Variants in GABPA observed in about 807,000 individuals in gnomAD.
GABPA encodes the protein GA-binding protein alpha chain.
GABPA carries 4 observed loss-of-function variants against 59.4 expected under a neutral mutation model. The observed-to-expected ratio is 0.07, with a 90% CI of 0.03 to 0.15. The LOEUF (loss-of-function observed/expected upper bound fraction) is 0.15, where lower values mean the gene tolerates loss of function less well. GABPA is among the 10% of genes least tolerant of loss of function. The pLI, the probability that GABPA is intolerant of heterozygous loss-of-function variation, is 1.00. For synonymous variants in GABPA, 164 were observed against 183.1 expected, an observed-to-expected ratio of 0.90 and a Z score of 0.84; for missense variants, 251 against 543.8, an observed-to-expected ratio of 0.46 and a Z score of 5.36.
Position 25,741,022 on chromosome 21 carries a change from A to C in GABPA, c.-26-551A>C, listed in dbSNP as rs547814306. Reference sequence around the variant, plus strand: ...ATTTTGAGGTAACTTGTTGATTGCAATTGGTCCCGAAAACATCTCAGTAAA... The same window carrying C: ...ATTTTGAGGTAACTTGTTGATTGCACTTGGTCCCGAAAACATCTCAGTAAA... On this transcript the variant is annotated intron_variant, in intron 1 of 9. Coordinates refer to ENST00000400075, the MANE Select transcript of GABPA (RefSeq NM_002040.4). 2.0e-5 allele frequency among the ~76,000 whole-genome samples: 3 copies of C among 152,356 alleles called. No homozygotes were observed. In the South Asian group the frequency reaches 6.2e-4, roughly 32 times the overall value.
intron 9 of GABPA, among the ~76,000 whole-genome samples, chr21:25,765,177 C>T (rs1489235206): frequency 2.0e-5 from 3 of 151,978 alleles, no homozygotes; most frequent in African/African-American, 7.2e-5. Context: ...CTGCCTAAAT[C>T]TGGATATCCA....
At chr21:25,743,245 C>G (rs764279373) in intron 2 of GABPA, among the ~76,000 whole-genome samples, 4 of 152,162 alleles carry the variant, frequency 2.6e-5, no homozygotes, top group Non-Finnish European at 4.4e-5. Flanking sequence ...GCCCCAGTGT[C>G]TTTTTTAAGT....
At chr21:25,744,787 TTC>T (rs1339454206) in intron 2 of GABPA, among the ~76,000 whole-genome samples, 2 of 152,150 alleles carry the variant, frequency 1.3e-5, no homozygotes, top group African/African-American at 4.8e-5. Flanking sequence ...TTTTATATCT[TTC>T]TTTTTTTTTA....
intron 5 of GABPA, among the ~76,000 whole-genome samples, chr21:25,755,096 G>A (rs544064570): frequency 2.0e-5 from 3 of 152,052 alleles, no homozygotes; most frequent in Middle Eastern, 3.4e-3. Context: ...TAATTAATGC[G>A]AAGTTCTGAA....
intron 6 of GABPA, among the ~76,000 whole-genome samples, chr21:25,761,547 A>G (rs71651629): frequency 9.9e-5 from 15 of 152,274 alleles, no homozygotes; most frequent in African/African-American, 3.6e-4. Context: ...CCCAGGCCTC[A>G]GTACCCAGAA....
chr21:25,748,530 G>A (rs1028503847), intron 3 of GABPA, among the ~76,000 whole-genome samples: 1 of 152,176 alleles, frequency 6.6e-6, no homozygotes, highest in African/African-American at 2.4e-5. Flanking sequence ...TCATAGCTAG[G>A]TTAGGTAGTA....
chr21:25,765,472 C>A (rs1429414783), intron 9 of GABPA, among the ~76,000 whole-genome samples: 2 of 151,980 alleles, frequency 1.3e-5, no homozygotes, highest in South Asian at 2.1e-4. Context: ...TTAGCTCACA[C>A]ACACACACTC....
At chr21:25,741,814 C>T (rs2035229012) in intron 2 of GABPA, 139 bp downstream of exon 2, 3 of 552,608 alleles carry the variant, frequency 5.4e-6, no homozygotes, top group Admixed American at 3.6e-5. Flanking sequence ...TGTTTTATTT[C>T]CTCTGACTTA....
At chr21:25,754,265 T>TA (rs71651607) in intron 5 of GABPA, among the ~76,000 whole-genome samples, 6,391 of 152,310 alleles carry the variant, frequency 0.042, 423 homozygotes, top group African/African-American at 0.14. Flanking sequence ...TTAGAAAATT[T>TA]AAAATTACAT....
rs71649643 is a variant in GABPA at position 25,735,238 on chromosome 21, T to G, written c.-367T>G. 1.6e-5 allele frequency: 9 copies of G among 570,086 alleles called. No individual in the cohort carries two copies. Among genetic ancestry groups the G allele is most frequent in the African/African-American group, 1.1e-4 (6 of 53,258 alleles). 35.3% of individuals were successfully genotyped at this position (570,086 alleles called of 1,614,324 possible). A position where few individuals can be genotyped will look rare whatever the true frequency, so the allele number is the denominator to read the frequency against. ...GAGTCAGCGTCCTGTTCGTTAGGGT[T>G]ATCGAAGTGTATAAAGGTGCAGGGA... On this transcript the variant is annotated 5_prime_UTR_variant, in exon 1 of 10. Transcript: ENST00000400075.
At chr21:25,742,523 GT>G (rs1390501232) in intron 2 of GABPA, among the ~76,000 whole-genome samples, 1 of 152,152 alleles carries the variant, frequency 6.6e-6, no homozygotes, top group African/African-American at 2.4e-5. Flanking sequence ...GTTTATCCCA[GT>G]TTTTCCAGCA....
intron 4 of GABPA, among the ~76,000 whole-genome samples, chr21:25,750,175 A>G (rs1430609084): frequency 1.3e-5 from 2 of 152,188 alleles, no homozygotes; most frequent in South Asian, 2.1e-4. Flanking sequence ...TGCAGCTCAC[A>G]GTAGGGTTTG....
chr21:25,763,577 G>A (rs951407725), intron 7 of GABPA, among the ~76,000 whole-genome samples: 1 of 152,030 alleles, frequency 6.6e-6, no homozygotes, highest in Non-Finnish European at 1.5e-5. Context: ...CTATGTAATC[G>A]TAAACACTGT....
chr21:25,751,031 A>G (rs987919909), intron 4 of GABPA, among the ~76,000 whole-genome samples: 3 of 152,094 alleles, frequency 2.0e-5, no homozygotes, highest in Non-Finnish European at 4.4e-5. Context: ...ACTTTGATTG[A>G]ATTTTGATAT....
chr21:25,740,517 A>G (rs2035192958), intron 1 of GABPA, among the ~76,000 whole-genome samples: 1 of 152,252 alleles, frequency 6.6e-6, no homozygotes, highest in Admixed American at 6.5e-5. Context: ...GGTACTTAAC[A>G]GTATTAACAC....
At chr21:25,738,224 GCCC>G (rs2035130874) in intron 1 of GABPA, among the ~76,000 whole-genome samples, 1 of 152,202 alleles carries the variant, frequency 6.6e-6, no homozygotes, top group South Asian at 2.1e-4. Flanking sequence ...CGCCGCCGCC[GCCC>G]CCTGCCCCCA....
At chr21:25,741,767 T>G in intron 2 of GABPA, 92 bp downstream of exon 2, 2 of 729,430 alleles carry the variant, frequency 2.7e-6, no homozygotes, top group South Asian at 3.9e-5. Flanking sequence ...GGACTGTCTT[T>G]TTTTAACTGT....
rs905574871 is a variant in GABPA at position 25,761,957 on chromosome 21, G to T, written c.749-355G>T. ...TACGTACCTAAATAATTTAATTTTG[G>T]TGTATATTTTATCTTTGATCTGATC... On this transcript the variant is annotated intron_variant, in intron 6 of 9. Coordinates refer to ENST00000400075, the MANE Select transcript of GABPA (RefSeq NM_002040.4). Among the ~76,000 whole-genome samples, 21 of 152,064 alleles carry T rather than the reference G, an allele frequency of 1.4e-4. No homozygotes were observed. The East Asian group carries it at 4.0e-3, about 29-fold the overall frequency.
chr21:25,739,423 GCCAGTGCTGTTTTT>G (rs1011700608), intron 1 of GABPA, among the ~76,000 whole-genome samples: 8 of 152,176 alleles, frequency 5.3e-5, no homozygotes, highest in African/African-American at 1.9e-4. Context: ...ATGAGGTGTT[GCCAGTGCTGTTTTT>G]CTAGAGCCTT....
Sources: gnomAD v4.1 joint callset for allele counts (sites outside exome capture counted in the v4.1 genomes callset) on GRCh38, gnomAD v4.1.1 for gene constraint, MANE v1.5 for transcripts, NCBI Gene and HGNC (gene_info 2026-07-23, HGNC 2026-07-21) for gene names.